CDH8: variants seen among roughly 807,000 people sequenced by gnomAD.
The protein encoded by CDH8 is cadherin-8.
In CDH8, 17 loss-of-function variants were observed where a neutral mutation model predicts 68.1. That is an observed-to-expected ratio of 0.25 (90% CI 0.17 to 0.37). The LOEUF (loss-of-function observed/expected upper bound fraction) is 0.37, where lower values mean the gene tolerates loss of function less well. Ranked by LOEUF, CDH8 falls within the 10% of genes least tolerant of loss-of-function variation. The pLI, the probability that CDH8 is intolerant of heterozygous loss-of-function variation, is 1.00. For missense variants in CDH8, 763 were observed against 999.3 expected, an observed-to-expected ratio of 0.76 and a Z score of 3.19; for synonymous variants, 372 against 365.1, an observed-to-expected ratio of 1.02 and a Z score of -0.21.
At chr16:61,987,782 C>T (rs1001945935) in intron 2 of CDH8, among the ~76,000 whole-genome samples, 2 of 151,546 alleles carry the variant, frequency 1.3e-5, no homozygotes, top group African/African-American at 4.8e-5. Context: ...ATCGTTCATC[C>T]GTATATAGTT....
intron 4 of CDH8, among the ~76,000 whole-genome samples, chr16:61,847,909 ACAC>A (rs1962846874): frequency 1.1e-5 from 1 of 94,068 alleles, no homozygotes; most frequent in Non-Finnish European, 2.1e-5. Flanking sequence ...ACACAGACAA[ACAC>A]ACACACACAC....
chr16:61,685,752 C>T (rs1056900046), intron 10 of CDH8, among the ~76,000 whole-genome samples: 1 of 151,858 alleles, frequency 6.6e-6, no homozygotes, highest in Non-Finnish European at 1.5e-5. Context: ...TTTTCCATCA[C>T]TACTACCCTT....
At chr16:61,730,638 G>C (rs1959508746) in intron 8 of CDH8, among the ~76,000 whole-genome samples, 1 of 151,584 alleles carries the variant, frequency 6.6e-6, no homozygotes, top group South Asian at 2.1e-4. Flanking sequence ...AATTACGCAA[G>C]TGTACTAAAT....
At chr16:61,688,301 T>C (rs1964147242) in intron 10 of CDH8, among the ~76,000 whole-genome samples, 1 of 152,000 alleles carries the variant, frequency 6.6e-6, no homozygotes, top group Admixed American at 6.6e-5. Flanking sequence ...TATGGGCACA[T>C]AGCCCTTGGA....
chr16:61,922,028 A>G (rs199963288), intron 2 of CDH8, among the ~76,000 whole-genome samples: 4 of 132,706 alleles, frequency 3.0e-5, no homozygotes, highest in South Asian at 2.2e-4. Context: ...AAGCCTGGGG[A>G]AAAAAAAAAA....
chr16:61,727,265 G>A (rs746583218), intron 8 of CDH8, 50 bp from the exon 9 acceptor site: 6 of 1,530,688 alleles, frequency 3.9e-6, no homozygotes, highest in Middle Eastern at 1.8e-4. Context: ...TCATTTTAAC[G>A]TGCAACTCAA....
chr16:61,754,201 C>T (rs1416100917), intron 8 of CDH8, among the ~76,000 whole-genome samples: 1 of 152,060 alleles, frequency 6.6e-6, no homozygotes, highest in South Asian at 2.1e-4. Flanking sequence ...AGATACAAGA[C>T]ATGTTACACA....
chr16:61,725,589 T>C (rs1198715060), intron 9 of CDH8: 1 of 150,800 alleles, frequency 6.6e-6, no homozygotes, highest in Admixed American at 6.6e-5. Context: ...CAACCTGCCA[T>C]ATTTTGATCA....
At chr16:61,777,781 A>G (rs1170592869) in intron 8 of CDH8, among the ~76,000 whole-genome samples, 1 of 152,156 alleles carries the variant, frequency 6.6e-6, no homozygotes, top group Non-Finnish European at 1.5e-5. Context: ...GCGCAGAATT[A>G]CATCCATTTT....
chr16:61,773,052 T>A (rs750727970), intron 8 of CDH8, among the ~76,000 whole-genome samples: 1 of 152,060 alleles, frequency 6.6e-6, no homozygotes, highest in African/African-American at 2.4e-5. Context: ...AAACATAATA[T>A]CCTTAACTGA....
At chr16:61,826,134 CCA>C (rs10552559) in intron 4 of CDH8, among the ~76,000 whole-genome samples, 18,599 of 151,758 alleles carry the variant, frequency 0.12, 1,223 homozygotes, top group Middle Eastern at 0.2. Context: ...AAACATTTAA[CCA>C]CAGACATGAT....
chr16:61,981,735 G>T (rs1451991987), intron 2 of CDH8, among the ~76,000 whole-genome samples: 1 of 151,942 alleles, frequency 6.6e-6, no homozygotes, highest in Non-Finnish European at 1.5e-5. Flanking sequence ...GGGATTCCTG[G>T]CAGATGTGGG....
At chr16:61,664,632 C>T (rs2142763029) in intron 10 of CDH8, among the ~76,000 whole-genome samples, 1 of 152,036 alleles carries the variant, frequency 6.6e-6, no homozygotes, top group East Asian at 1.9e-4. Flanking sequence ...AAGCCTTTCT[C>T]TGGGCATGAC....
intron 8 of CDH8, among the ~76,000 whole-genome samples, chr16:61,784,850 T>C (rs372291579): frequency 5.9e-5 from 9 of 152,110 alleles, no homozygotes; most frequent in East Asian, 3.9e-4. Flanking sequence ...GGGTACATAA[T>C]GAAATAAAGG....
At chr16:61,699,702 G>A (rs1212931936) in intron 10 of CDH8, among the ~76,000 whole-genome samples, 3 of 152,106 alleles carry the variant, frequency 2.0e-5, no homozygotes, top group Non-Finnish European at 4.4e-5. Flanking sequence ...GGCCTCTCAA[G>A]TAGTTGGGAT....
intron 8 of CDH8, among the ~76,000 whole-genome samples, chr16:61,761,397 T>G (rs1960463708): frequency 6.6e-6 from 1 of 152,204 alleles, no homozygotes; most frequent in Non-Finnish European, 1.5e-5. Flanking sequence ...TTTCTGGTTT[T>G]ATAGTCTTTG....
At chr16:61,952,792 C>T (rs957312462) in intron 2 of CDH8, among the ~76,000 whole-genome samples, 2 of 152,108 alleles carry the variant, frequency 1.3e-5, no homozygotes, top group Non-Finnish European at 2.9e-5. Flanking sequence ...GAATAATTTT[C>T]ACAAAATGCA....
At chr16:61,981,844 T>G (rs1326360721) in intron 2 of CDH8, among the ~76,000 whole-genome samples, 1 of 152,200 alleles carries the variant, frequency 6.6e-6, no homozygotes, top group Non-Finnish European at 1.5e-5. Flanking sequence ...AATGGTCTTG[T>G]CTGTGTTATT....
At chr16:61,793,831 T>A (rs1596973245) in intron 7 of CDH8, among the ~76,000 whole-genome samples, 1 of 152,082 alleles carries the variant, frequency 6.6e-6, no homozygotes, top group East Asian at 1.9e-4. Context: ...ATCACCACAC[T>A]GCCTTCCACG....
Sources: gnomAD v4.1 joint callset for allele counts (sites outside exome capture counted in the v4.1 genomes callset) on GRCh38, gnomAD v4.1.1 for gene constraint, MANE v1.5 for transcripts, NCBI Gene and HGNC (gene_info 2026-07-23, HGNC 2026-07-21) for gene names.